Variants in RUNX2 observed in about 807,000 individuals in gnomAD.
RUNX2 encodes the protein RUNX family transcription factor 2.
Under a neutral mutation model 51.7 loss-of-function variants are expected in RUNX2, and 10 were observed. The ratio of observed to expected loss-of-function variants is 0.19; its 90% CI spans 0.12 to 0.33. The LOEUF (loss-of-function observed/expected upper bound fraction) is 0.33. Ranked by LOEUF, RUNX2 falls within the 10% of genes least tolerant of loss-of-function variation. The pLI is 1.00. For missense variants in RUNX2, 562 were observed against 691.3 expected, an observed-to-expected ratio of 0.81 and a Z score of 2.10; for synonymous variants, 276 against 273.6, an observed-to-expected ratio of 1.01 and a Z score of -0.09.
At chr6:45,411,500 C>G (rs997641797) in intron 2 of RUNX2, among the ~76,000 whole-genome samples, 7 of 152,044 alleles carry the variant, frequency 4.6e-5, no homozygotes, top group Admixed American at 3.3e-4. Flanking sequence ...GCTAGCAAAA[C>G]AAAGTTGAAA....
intron 5 of RUNX2, among the ~76,000 whole-genome samples, chr6:45,490,331 C>T (rs1408780928): frequency 6.6e-6 from 1 of 152,152 alleles, no homozygotes; most frequent in Non-Finnish European, 1.5e-5. Context: ...TAGGTCTAGT[C>T]CTTCTGTTAT....
In RUNX2 at chr6:45,503,718, A is replaced by AT. The variant is rs548293353; in HGVS notation, c.860-8521dup. ...TATAGCCTCTTTCTTCTTCTATTAGATTTTTTTAAAACAAGAAATGCCTGT... is the reference window on the plus strand; with the variant it reads ...TATAGCCTCTTTCTTCTTCTATTAGATTTTTTTTAAAACAAGAAATGCCTGT... On this transcript the variant is annotated intron_variant, in intron 6 of 8. Coordinates refer to ENST00000647337, the MANE Select transcript of RUNX2 (RefSeq NM_001024630.4). Among the ~76,000 whole-genome samples the AT allele has an allele frequency of 4.9e-3, 742 of 152,236 alleles. 2 individuals are homozygous for AT. The highest frequency in any genetic ancestry group is 8.2e-3 in the Non-Finnish European group (560 of 68,004).
chr6:45,547,383 C>T lies in RUNX2; in HGVS notation c.*78C>T. ...AATATATACATATATAGAGAGAGTGCATATATATGTATATCGATTAGCTAT... is the reference window on the plus strand; with the variant it reads ...AATATATACATATATAGAGAGAGTGTATATATATGTATATCGATTAGCTAT... On this transcript the variant is annotated 3_prime_UTR_variant, in exon 9 of 9. Coordinates refer to ENST00000647337, the MANE Select transcript of RUNX2 (RefSeq NM_001024630.4). 1 of 1,136,154 alleles carries T rather than the reference C, an allele frequency of 8.8e-7. No individual in the cohort carries two copies. Among genetic ancestry groups the T allele is most frequent in the Non-Finnish European group, 1.3e-6 (1 of 751,354 alleles). 70.4% of individuals were successfully genotyped at this position (1,136,154 alleles called of 1,614,324 possible). A position where few individuals can be genotyped will look rare whatever the true frequency, so the allele number is the denominator to read the frequency against.
chr6:45,546,502 A>G (rs959849625), intron 8 of RUNX2, among the ~76,000 whole-genome samples: 2 of 152,248 alleles, frequency 1.3e-5, no homozygotes, highest in African/African-American at 2.4e-5. Context: ...AAAAAAATCC[A>G]TGAGGATTTG....
intron 2 of RUNX2, among the ~76,000 whole-genome samples, chr6:45,412,337 C>CAG (rs1797968774): frequency 6.6e-6 from 1 of 151,912 alleles, no homozygotes; most frequent in African/African-American, 2.4e-5. Context: ...GCCTGGGTGA[C>CAG]AGAGAGAGAC....
chr6:45,532,531 C>T (rs996188879), intron 7 of RUNX2, among the ~76,000 whole-genome samples: 2 of 152,076 alleles, frequency 1.3e-5, no homozygotes, highest in Non-Finnish European at 2.9e-5. Context: ...TCCTGCTACT[C>T]TTCTCATAGG....
intron 7 of RUNX2, among the ~76,000 whole-genome samples, chr6:45,537,210 A>G (rs1163771993): frequency 6.6e-6 from 1 of 152,208 alleles, no homozygotes; most frequent in Non-Finnish European, 1.5e-5. Context: ...TGGGTCAAGC[A>G]TGGCTAATGA....
intron 2 of RUNX2, among the ~76,000 whole-genome samples, chr6:45,340,399 C>T (rs957076703): frequency 5.9e-5 from 9 of 152,142 alleles, no homozygotes; most frequent in Non-Finnish European, 1.2e-4. Flanking sequence ...TCACAGCTCA[C>T]TGCAACTTTG....
At position 45,466,502 on chromosome 6, in the gene RUNX2, T is replaced by C. The variant is rs540429747; in HGVS notation, c.686-25439T>C. ...GGAATCCAGCATCAACATCCAAGCC[T>C]GAGCCCTTGCCAGGCTACAATACAG... On this transcript the variant is annotated intron_variant, in intron 5 of 8. Transcript: ENST00000647337. Among the ~76,000 whole-genome samples, 5 of 152,266 alleles carry C rather than the reference T, an allele frequency of 3.3e-5. No homozygotes were observed. The South Asian group carries it at 1.0e-3, about 32-fold the overall frequency.
intron 3 of RUNX2, among the ~76,000 whole-genome samples, chr6:45,424,709 T>G (rs1798337267): frequency 6.6e-6 from 1 of 152,148 alleles, no homozygotes; most frequent in Non-Finnish European, 1.5e-5. Context: ...TCCAGGTCAA[T>G]TAGACCTGGT....
chr6:45,516,091 A>G (rs545613668), intron 7 of RUNX2, among the ~76,000 whole-genome samples: 11 of 152,340 alleles, frequency 7.2e-5, no homozygotes, highest in Non-Finnish European at 1.6e-4. Context: ...TTAATAAATG[A>G]CAATAATCAC....
intron 5 of RUNX2, among the ~76,000 whole-genome samples, chr6:45,461,024 A>G (rs764993764): frequency 6.2e-4 from 94 of 152,336 alleles, no homozygotes; most frequent in Middle Eastern, 3.4e-3. Flanking sequence ...AATGGTTATG[A>G]TGGATTAGGT....
intron 2 of RUNX2, among the ~76,000 whole-genome samples, chr6:45,329,266 C>T (rs531517034): frequency 6.6e-6 from 1 of 151,856 alleles, no homozygotes; most frequent in Non-Finnish European, 1.5e-5. Context: ...AGAAATAAAC[C>T]TGTAGTACAG....
intron 5 of RUNX2, among the ~76,000 whole-genome samples, chr6:45,481,948 A>C (rs1455891123): frequency 6.6e-6 from 1 of 152,190 alleles, no homozygotes; most frequent in African/African-American, 2.4e-5. Context: ...TTTTACTTTG[A>C]ATTGGAGTAA....
chr6:45,409,435 G>A (rs1173980599), intron 2 of RUNX2, among the ~76,000 whole-genome samples: 1 of 152,150 alleles, frequency 6.6e-6, no homozygotes, highest in East Asian at 1.9e-4. Flanking sequence ...GTACTCTTTT[G>A]CCTCCAAACA....
chr6:45,402,549 C>G (rs1157019834), intron 2 of RUNX2, among the ~76,000 whole-genome samples: 1 of 152,104 alleles, frequency 6.6e-6, no homozygotes, highest in South Asian at 2.1e-4. Context: ...AAAGCATTAA[C>G]AAAATTTTGG....
chr6:45,384,896 G>A (rs1797318617), intron 2 of RUNX2, among the ~76,000 whole-genome samples: 2 of 151,390 alleles, frequency 1.3e-5, no homozygotes, highest in Non-Finnish European at 2.9e-5. Context: ...TGGAGATGGG[G>A]TCTCACTATG....
intron 2 of RUNX2, among the ~76,000 whole-genome samples, chr6:45,370,656 T>TA (rs1032327911): frequency 2.0e-5 from 3 of 151,988 alleles, no homozygotes; most frequent in Admixed American, 6.6e-5. Context: ...TAATGGGCAC[T>TA]AAAAAAAATC....
chr6:45,410,468 A>T (rs1485162590), intron 2 of RUNX2, among the ~76,000 whole-genome samples: 3 of 152,250 alleles, frequency 2.0e-5, no homozygotes, highest in African/African-American at 7.2e-5. Context: ...ACCTAAGGGG[A>T]TATATTCATT....
Sources: gnomAD v4.1 joint callset for allele counts (sites outside exome capture counted in the v4.1 genomes callset) on GRCh38, gnomAD v4.1.1 for gene constraint, MANE v1.5 for transcripts, NCBI Gene and HGNC (gene_info 2026-07-23, HGNC 2026-07-21) for gene names.